ASAP1: variants seen among roughly 807,000 people sequenced by gnomAD.
ASAP1 encodes arf-GAP with SH3 domain, ANK repeat and PH domain-containing protein 1.
In ASAP1, 43 loss-of-function variants were observed where a neutral mutation model predicts 145.2. The observed-to-expected ratio is 0.30, with a 90% CI of 0.23 to 0.38. The LOEUF (loss-of-function observed/expected upper bound fraction) is 0.38. Ranked by LOEUF, ASAP1 falls within the 10% of genes least tolerant of loss-of-function variation. The pLI, the probability that ASAP1 is intolerant of heterozygous loss-of-function variation, is 1.00. For missense variants in ASAP1, 1,018 were observed against 1,355.3 expected (o/e 0.75, Z 3.91); for synonymous variants, 546 against 515.5 (o/e 1.06, Z -0.80).
intron 3 of ASAP1, among the ~76,000 whole-genome samples, chr8:130,247,609 C>G (rs1818929161): frequency 6.6e-6 from 1 of 152,054 alleles, no homozygotes; most frequent in Non-Finnish European, 1.5e-5. Context: ...TTCCAGGAGG[C>G]TCTATGTAAA....
chr8:130,284,842 TACACACACACAC>T (rs34799517), intron 3 of ASAP1, among the ~76,000 whole-genome samples: 43 of 141,630 alleles, frequency 3.0e-4, no homozygotes, highest in Middle Eastern at 3.6e-3. Context: ...TTTTACACTC[TACACACACACAC>T]ACACACACAC....
At chr8:130,335,214 T>C (rs146575040) in intron 3 of ASAP1, among the ~76,000 whole-genome samples, 1 of 152,264 alleles carries the variant, frequency 6.6e-6, no homozygotes, top group Non-Finnish European at 1.5e-5. Context: ...TTGATGACAC[T>C]GATCATCTTT....
chr8:130,430,452 G>A (rs1010621438), intron 1 of ASAP1, among the ~76,000 whole-genome samples: 2 of 152,200 alleles, frequency 1.3e-5, no homozygotes, highest in African/African-American at 4.8e-5. Context: ...GTCTAAAGGC[G>A]TTCAGTGGGT....
At chr8:130,177,884 C>A (rs562653511) in intron 9 of ASAP1, among the ~76,000 whole-genome samples, 2 of 152,278 alleles carry the variant, frequency 1.3e-5, no homozygotes, top group Non-Finnish European at 2.9e-5. Flanking sequence ...CATTCTTTTT[C>A]ACTTTTTACA....
intron 11 of ASAP1, among the ~76,000 whole-genome samples, chr8:130,165,797 C>T (rs922384677): frequency 6.6e-6 from 1 of 152,178 alleles, no homozygotes; most frequent in South Asian, 2.1e-4. Flanking sequence ...GGCTTATATT[C>T]ACTCAATAAA....
chr8:130,068,268 G>A (rs1420736549), intron 27 of ASAP1, among the ~76,000 whole-genome samples: 2 of 152,178 alleles, frequency 1.3e-5, no homozygotes, highest in Non-Finnish European at 2.9e-5. Context: ...CTTGAGGCTG[G>A]ACTAAGCTCA....
chr8:130,190,649 C>G (rs1815074437), intron 5 of ASAP1, among the ~76,000 whole-genome samples: 1 of 152,156 alleles, frequency 6.6e-6, no homozygotes, highest in African/African-American at 2.4e-5. Flanking sequence ...TCCTGAATAG[C>G]TGGGATCACA....
chr8:130,174,444 A>G (rs186284417), intron 9 of ASAP1, among the ~76,000 whole-genome samples: 2,705 of 152,106 alleles, frequency 0.018, 72 homozygotes, highest in Admixed American at 0.062. Context: ...AAGATCTTCA[A>G]AAACCAGTAA....
chr8:130,218,457 C>T (rs918205563), intron 4 of ASAP1, among the ~76,000 whole-genome samples: 3 of 152,172 alleles, frequency 2.0e-5, no homozygotes, highest in East Asian at 1.9e-4. Context: ...TACCCAATTC[C>T]GATCTCCTTC....
intron 3 of ASAP1, among the ~76,000 whole-genome samples, chr8:130,262,405 A>G (rs1819958450): frequency 2.6e-5 from 3 of 114,652 alleles, no homozygotes; most frequent in Non-Finnish European, 5.2e-5. Flanking sequence ...AAAAAAAAAA[A>G]AAAAAAAAAA....
chr8:130,315,746 G>A (rs900638689), intron 3 of ASAP1, among the ~76,000 whole-genome samples: 2 of 152,140 alleles, frequency 1.3e-5, no homozygotes, highest in African/African-American at 2.4e-5. Context: ...ACAGTGTATG[G>A]CGTACAGAGG....
intron 1 of ASAP1, among the ~76,000 whole-genome samples, chr8:130,423,963 C>T (rs532583473): frequency 2.0e-5 from 3 of 151,978 alleles, no homozygotes; most frequent in East Asian, 1.9e-4. Flanking sequence ...TTTTGAAGGG[C>T]GGTGATGAAA....
intron 3 of ASAP1, among the ~76,000 whole-genome samples, chr8:130,253,486 C>T (rs1369131796): frequency 5.3e-5 from 8 of 152,062 alleles, no homozygotes; most frequent in Admixed American, 5.2e-4. Flanking sequence ...AATGGTGGTG[C>T]TACTATAGAA....
chr8:130,065,616 A>G (rs1255251597), intron 27 of ASAP1, among the ~76,000 whole-genome samples: 1 of 152,170 alleles, frequency 6.6e-6, no homozygotes, highest in Non-Finnish European at 1.5e-5. Flanking sequence ...ATACCAATAC[A>G]TATATATCTA....
At chr8:130,435,980 C>G (rs1161434702) in intron 1 of ASAP1, among the ~76,000 whole-genome samples, 1 of 152,188 alleles carries the variant, frequency 6.6e-6, no homozygotes, top group Non-Finnish European at 1.5e-5. Context: ...ATCTCTGCTA[C>G]CCAAGATAGG....
At chr8:130,287,310 G>A (rs1821676740) in intron 3 of ASAP1, among the ~76,000 whole-genome samples, 1 of 152,170 alleles carries the variant, frequency 6.6e-6, no homozygotes, top group Non-Finnish European at 1.5e-5. Context: ...TAAAAGATAA[G>A]ATAGGGTAGG....
chr8:130,431,249 CCTAAT>C (rs939120204), intron 1 of ASAP1, among the ~76,000 whole-genome samples: 1 of 152,184 alleles, frequency 6.6e-6, no homozygotes, highest in Non-Finnish European at 1.5e-5. Flanking sequence ...GCATCAACCA[CCTAAT>C]CTATTCAGTC....
intron 13 of ASAP1, among the ~76,000 whole-genome samples, chr8:130,141,872 C>G (rs1222830205): frequency 6.6e-6 from 1 of 151,942 alleles, no homozygotes; most frequent in East Asian, 1.9e-4. Flanking sequence ...CATGCCTCAC[C>G]ATGCTTGACT....
intron 5 of ASAP1, among the ~76,000 whole-genome samples, chr8:130,210,753 C>G (rs1816529597): frequency 2.6e-5 from 4 of 152,134 alleles, no homozygotes; most frequent in Admixed American, 6.5e-5. Context: ...CCTAATTGCA[C>G]CATTTTGCAG....
Sources: allele counts gnomAD v4.1 joint callset (sites outside exome capture counted in the v4.1 genomes callset), GRCh38; gene constraint gnomAD v4.1.1; transcripts MANE v1.5; gene names NCBI Gene and HGNC (gene_info 2026-07-23, HGNC 2026-07-21).